CHRM5: variants seen among roughly 807,000 people sequenced by gnomAD.
The protein encoded by CHRM5 is cholinergic receptor muscarinic 5.
Under a neutral mutation model 39.0 loss-of-function variants are expected in CHRM5, and 18 were observed. The observed-to-expected ratio is 0.46, with a 90% CI of 0.32 to 0.68. CHRM5 has a LOEUF of 0.68. Ranked by LOEUF, CHRM5 falls within the 30% of genes least tolerant of loss-of-function variation. CHRM5 has a pLI of 0.04. For missense variants in CHRM5, 515 were observed against 651.1 expected, an observed-to-expected ratio of 0.79 and a Z score of 2.28; for synonymous variants, 241 against 246.3, an observed-to-expected ratio of 0.98 and a Z score of 0.20.
intron 1 of CHRM5, among the ~76,000 whole-genome samples, chr15:33,970,332 T>C (rs1895581739): frequency 6.6e-6 from 1 of 151,936 alleles, no homozygotes; most frequent in Non-Finnish European, 1.5e-5. Context: ...GTCTTTTACA[T>C]CTGAAGTCAT....
chr15:34,053,826 A>G (rs1378079681), intron 2 of CHRM5, among the ~76,000 whole-genome samples: 1 of 152,198 alleles, frequency 6.6e-6, no homozygotes, highest in African/African-American at 2.4e-5. Flanking sequence ...AAATTGACAA[A>G]TAGGATCTAA....
intron 1 of CHRM5, among the ~76,000 whole-genome samples, chr15:34,015,356 A>G (rs542603776): frequency 1.4e-3 from 217 of 152,008 alleles, no homozygotes; most frequent in Non-Finnish European, 2.3e-3. Flanking sequence ...GGTGGCGGGC[A>G]CCTGTAGTCC....
rs1386466304 is a variant in CHRM5, at chr15:33,983,227, CACACAT to C, written c.-408+14083_-408+14088del. Among the ~76,000 whole-genome samples, 15 of 56,474 alleles carry C rather than the reference CACACAT, an allele frequency of 2.7e-4. No individual in the cohort carries two copies. The East Asian group carries it at 4.9e-3, about 18-fold the overall frequency. 37.0% of individuals were successfully genotyped at this position (56,474 alleles called of 152,430 possible). A position where few individuals can be genotyped will look rare whatever the true frequency, so the allele number is the denominator to read the frequency against. Reference sequence around the variant, plus strand: ...ATATATATATATACATATATATACACACACATACACACACACACATATATATGGCTT... The same window carrying C: ...ATATATATATATACATATATATACACACACACACACACATATATATGGCTT... On this transcript the variant is annotated intron_variant, in intron 1 of 2. Coordinates refer to ENST00000383263, the MANE Select transcript of CHRM5 (RefSeq NM_012125.4).
intron 2 of CHRM5, among the ~76,000 whole-genome samples, chr15:34,058,260 A>C (rs1408221941): frequency 2.0e-5 from 3 of 152,314 alleles, no homozygotes; most frequent in African/African-American, 7.2e-5. Flanking sequence ...GGTGTTTGAC[A>C]AAACAACTGG....
intron 1 of CHRM5, chr15:34,003,106 A>G (rs776865110): frequency 5.0e-6 from 8 of 1,613,808 alleles, no homozygotes; most frequent in Middle Eastern, 1.6e-4. Context: ...CTCTTTTTCA[A>G]TATCTTGATA....
At chr15:34,059,635 C>T (rs1411261871) in intron 2 of CHRM5, among the ~76,000 whole-genome samples, 2 of 152,194 alleles carry the variant, frequency 1.3e-5, no homozygotes, top group African/African-American at 4.8e-5. Flanking sequence ...CATTCCTCCT[C>T]TTTTGCCTCT....
At chr15:33,980,965 C>G (rs931178029) in intron 1 of CHRM5, among the ~76,000 whole-genome samples, 1 of 152,186 alleles carries the variant, frequency 6.6e-6, no homozygotes, top group African/African-American at 2.4e-5. Context: ...TTCAGAAACA[C>G]TCTGCAAGTA....
intron 1 of CHRM5, among the ~76,000 whole-genome samples, chr15:34,001,732 A>G (rs992106201): frequency 2.0e-5 from 3 of 152,000 alleles, no homozygotes; most frequent in African/African-American, 7.3e-5. Flanking sequence ...TGTGCTCCTG[A>G]CTCACAATTT....
At chr15:34,000,124 G>A (rs1039377486) in intron 1 of CHRM5, among the ~76,000 whole-genome samples, 1 of 152,058 alleles carries the variant, frequency 6.6e-6, no homozygotes, top group Non-Finnish European at 1.5e-5. Context: ...ACCCTCCTCA[G>A]ATCTTTGCTC....
In CHRM5 at chr15:34,065,431, T is replaced by A. The variant is rs1900484573; in HGVS notation, c.*1115T>A. On this transcript the variant is annotated 3_prime_UTR_variant, in exon 3 of 3. Transcript: ENST00000383263. The stretch of plus-strand genomic sequence containing the variant: ...CACCAAGACGCAAGCAGGTCAGCTG[T>A]GCTGCCTCCAAGCAGGGGGTTGTGG... 1 of 152,178 alleles carries A rather than the reference T, an allele frequency of 6.6e-6. No homozygotes were observed. The highest frequency in any genetic ancestry group is 2.1e-4 in the South Asian group (1 of 4,832). The allele number at this position is 152,178 out of a possible 1,614,324, so 9.4% of individuals were successfully genotyped here.
chr15:34,009,621 T>C (rs1379447596), intron 1 of CHRM5, among the ~76,000 whole-genome samples: 1 of 152,078 alleles, frequency 6.6e-6, no homozygotes, highest in Non-Finnish European at 1.5e-5. Context: ...TCAGACAAAA[T>C]AGACTTTAAA....
At chr15:34,009,953 C>A (rs954456765) in intron 1 of CHRM5, among the ~76,000 whole-genome samples, 2 of 151,942 alleles carry the variant, frequency 1.3e-5, no homozygotes, top group Non-Finnish European at 2.9e-5. Context: ...TGGAGTGAAA[C>A]CCTGTCTCTT....
At chr15:34,050,827 A>G (rs535622091) in intron 2 of CHRM5, among the ~76,000 whole-genome samples, 1 of 152,216 alleles carries the variant, frequency 6.6e-6, no homozygotes, top group Non-Finnish European at 1.5e-5. Flanking sequence ...TGCACCCAAT[A>G]CAGGAGCACC....
At chr15:34,029,225 T>C (rs1898646406) in intron 1 of CHRM5, among the ~76,000 whole-genome samples, 1 of 152,152 alleles carries the variant, frequency 6.6e-6, no homozygotes, top group Admixed American at 6.6e-5. Flanking sequence ...AAAAACCCTC[T>C]ACTTTAAGTT....
chr15:33,994,752 G>A (rs1174781359), intron 1 of CHRM5, among the ~76,000 whole-genome samples: 1 of 152,072 alleles, frequency 6.6e-6, no homozygotes, highest in Non-Finnish European at 1.5e-5. Flanking sequence ...TCTACTTAGA[G>A]AATATATGTT....
rs1019177095 is a variant in CHRM5, at chr15:33,986,948, C to T, written c.-408+17798C>T. On this transcript the variant is annotated intron_variant, in intron 1 of 2. Transcript: ENST00000383263. Reference sequence around the variant, plus strand: ...CTGGGATTACAGGCATGAGCCACCGCGCCCAGCCCAGGTTCTTTTCAAGTG... The same window carrying T: ...CTGGGATTACAGGCATGAGCCACCGTGCCCAGCCCAGGTTCTTTTCAAGTG... Among the ~76,000 whole-genome samples, 6 of 152,176 alleles carry T rather than the reference C, an allele frequency of 3.9e-5. No homozygotes were observed. In the East Asian group the frequency reaches 5.8e-4, roughly 15 times the overall value.
chr15:33,978,679 TAAATAA>T (rs1039420070), intron 1 of CHRM5, among the ~76,000 whole-genome samples: 2 of 151,450 alleles, frequency 1.3e-5, no homozygotes, highest in Non-Finnish European at 2.9e-5. Context: ...AATAAATAAA[TAAATAA>T]AAATAAAAAT....
At chr15:33,973,548 T>A (rs567808548) in intron 1 of CHRM5, among the ~76,000 whole-genome samples, 1 of 152,256 alleles carries the variant, frequency 6.6e-6, no homozygotes, top group Non-Finnish European at 1.5e-5. Context: ...CCTTGTTAGA[T>A]TCCATTGAAA....
intron 1 of CHRM5, among the ~76,000 whole-genome samples, chr15:33,985,411 G>GTTCCTTTGTTAC (rs1896387658): frequency 4.0e-5 from 6 of 150,744 alleles, no homozygotes; most frequent in Admixed American, 6.6e-5. Context: ...TGAGCTGAGT[G>GTTCCTTTGTTAC]CATGCCCTCA....
Sources: allele counts gnomAD v4.1 joint callset (sites outside exome capture counted in the v4.1 genomes callset), GRCh38; gene constraint gnomAD v4.1.1; transcripts MANE v1.5; gene names NCBI Gene and HGNC (gene_info 2026-07-23, HGNC 2026-07-21).